The following FAM117A variants were observed in gnomAD, a reference collection of about 807,000 sequenced individuals.
The protein encoded by FAM117A is family with sequence similarity 117 member A.
FAM117A carries 21 observed loss-of-function variants against 44.1 expected under a neutral mutation model. That is an observed-to-expected ratio of 0.48 (90% CI 0.34 to 0.69). FAM117A has a LOEUF of 0.69. FAM117A is among the 30% of genes least tolerant of loss of function. The pLI is 0.01. For missense variants in FAM117A, 498 were observed against 589.9 expected, an observed-to-expected ratio of 0.84 and a Z score of 1.61; for synonymous variants, 220 against 238.3, an observed-to-expected ratio of 0.92 and a Z score of 0.71.
chr17:49,758,773 G>C (rs2143780924), intron 1 of FAM117A, among the ~76,000 whole-genome samples: 1 of 152,264 alleles, frequency 6.6e-6, no homozygotes, highest in East Asian at 1.9e-4. Context: ...GATAGTGTCA[G>C]TAAGAACTCC....
chr17:49,712,854 TCTC>T (rs1258733336), intron 7 of FAM117A, among the ~76,000 whole-genome samples: 1 of 152,052 alleles, frequency 6.6e-6, no homozygotes, highest in Non-Finnish European at 1.5e-5. Context: ...GTCATATCTG[TCTC>T]ACCCTCCTTT....
intron 1 of FAM117A, 54 bp downstream of exon 1, chr17:49,763,838 G>T: frequency 3.4e-6 from 1 of 293,628 alleles, no homozygotes; most frequent in Non-Finnish European, 4.7e-6. Context: ...GCGGTCACGC[G>T]CCCCCCCTCC....
chr17:49,782,561 G>A (rs950164415), intron 1 of FAM117A, among the ~76,000 whole-genome samples: 3 of 151,166 alleles, frequency 2.0e-5, no homozygotes, highest in African/African-American at 7.3e-5. Context: ...ATGGTGGCAC[G>A]CACCTGTAGT....
In FAM117A at chr17:49,737,375, C is replaced by T. The variant is rs182426951; in HGVS notation, c.197-4655G>A. ...AAAACTGTCTATTAGAGTCCAGTGACGAGGCAGGGACTCTGGAAAGTGGAT... is the reference window on the plus strand; with the variant it reads ...AAAACTGTCTATTAGAGTCCAGTGATGAGGCAGGGACTCTGGAAAGTGGAT... On this transcript the variant is annotated intron_variant, in intron 1 of 7. Transcript: ENST00000240364. Among the ~76,000 whole-genome samples, 79 of 152,250 alleles carry T rather than the reference C, an allele frequency of 5.2e-4. No homozygotes were observed. In the East Asian group the frequency reaches 0.01, roughly 19 times the overall value.
At chr17:49,732,078 G>A (rs541714894) in intron 2 of FAM117A, among the ~76,000 whole-genome samples, 2 of 152,248 alleles carry the variant, frequency 1.3e-5, no homozygotes, top group South Asian at 4.2e-4. Flanking sequence ...GAGCCACTGC[G>A]CCCAGCCTAA....
intron 1 of FAM117A, among the ~76,000 whole-genome samples, chr17:49,750,798 C>G (rs996215574): frequency 6.6e-6 from 1 of 151,988 alleles, no homozygotes; most frequent in Non-Finnish European, 1.5e-5. Context: ...AGCTATTACA[C>G]GAACAGGTAC....
intron 1 of FAM117A, among the ~76,000 whole-genome samples, chr17:49,769,231 G>A (rs917787048): frequency 6.6e-6 from 1 of 151,810 alleles, no homozygotes; most frequent in African/African-American, 2.4e-5. Context: ...GGAGGCGGAG[G>A]CTGCAGTAAG....
At chr17:49,734,393 C>T (rs1394700711) in intron 1 of FAM117A, among the ~76,000 whole-genome samples, 1 of 151,492 alleles carries the variant, frequency 6.6e-6, no homozygotes, top group Non-Finnish European at 1.5e-5. Context: ...GAGATCGAGA[C>T]CATCCTGGCT....
At chr17:49,771,223 A>G (rs189752973) in intron 1 of FAM117A, among the ~76,000 whole-genome samples, 12 of 152,328 alleles carry the variant, frequency 7.9e-5, no homozygotes, top group Non-Finnish European at 1.5e-5. Context: ...ATAAATAAAT[A>G]AAGAATAGAA....
upstream of FAM117A, chr17:49,788,958 CG>C (rs1296612646): frequency 9.4e-7 from 1 of 1,064,554 alleles, no homozygotes; most frequent in East Asian, 3.1e-5. Flanking sequence ...TCCGCTCCCC[CG>C]AACCTTGTTC....
chr17:49,768,043 A>T (rs187319022), upstream of FAM117A, among the ~76,000 whole-genome samples: 235 of 152,266 alleles, frequency 1.5e-3, 1 homozygote, highest in African/African-American at 5.6e-3. Flanking sequence ...GGATGTCCAC[A>T]GCTAAATGTC....
In FAM117A at chr17:49,717,469, T is replaced by C. The variant is rs77590503; in HGVS notation, c.910+44A>G. 0.063 allele frequency: 99,950 copies of C among 1,578,728 alleles called. 3,633 individuals are homozygous for C. The highest frequency in any genetic ancestry group is 0.15 in the African/African-American group (11,003 of 74,394). Reference sequence around the variant, plus strand: ...GTGGAAAAGGGAGTGGAGCCACTCATGTGCCCCAGAGTCAGCCCTGCTGCC... The same window carrying C: ...GTGGAAAAGGGAGTGGAGCCACTCACGTGCCCCAGAGTCAGCCCTGCTGCC... On this transcript the variant is annotated intron_variant, in intron 6 of 7. Coordinates refer to ENST00000240364, the MANE Select transcript of FAM117A (RefSeq NM_030802.4).
chr17:49,748,615 C>T (rs1030532777), intron 1 of FAM117A, among the ~76,000 whole-genome samples: 14 of 151,764 alleles, frequency 9.2e-5, no homozygotes, highest in African/African-American at 3.4e-4. Context: ...CTAGCTGGGC[C>T]CCTGAAAAAA....
rs1427250669 is a variant in FAM117A, at chr17:49,711,638, A to C, written c.1062-83T>G. 8.9e-6 allele frequency: 12 copies of C among 1,347,310 alleles called. 1 individual carries two copies. The highest frequency in any genetic ancestry group is 1.3e-5 in the Non-Finnish European group (12 of 956,872). 83.5% of individuals were successfully genotyped at this position (1,347,310 alleles called of 1,614,324 possible). ...GCGAGAGAGGGTGAGATGTCACAGC[A>C]TCAAGGCAGCAGGAGAGCTGGGTCT... On this transcript the variant is annotated intron_variant, in intron 7 of 7. Coordinates refer to ENST00000240364, the MANE Select transcript of FAM117A (RefSeq NM_030802.4).
At chr17:49,719,606 T>C in intron 5 of FAM117A, 154 bp downstream of exon 5, 1 of 938,066 alleles carries the variant, frequency 1.1e-6, no homozygotes, top group Non-Finnish European at 1.5e-6. Flanking sequence ...ACTAATAAAC[T>C]CCATTTGCAT....
chr17:49,734,780 C>T (rs569363979), intron 1 of FAM117A, among the ~76,000 whole-genome samples: 7 of 152,052 alleles, frequency 4.6e-5, no homozygotes, highest in African/African-American at 1.7e-4. Context: ...GGGAGCAACC[C>T]GAGCATCCAC....
chr17:49,722,952 G>C (rs961427337), intron 2 of FAM117A, among the ~76,000 whole-genome samples: 1 of 152,130 alleles, frequency 6.6e-6, no homozygotes, highest in African/African-American at 2.4e-5. Context: ...CTCAGGCTCC[G>C]GGAATCACTG....
At chr17:49,773,451 A>C (rs2143798627) in intron 1 of FAM117A, 1 of 150,332 alleles carries the variant, frequency 6.7e-6, no homozygotes, top group East Asian at 2.0e-4. Context: ...TGGGCAGCAG[A>C]GCAAGACTCC....
At chr17:49,715,924 G>A (rs2073500708) in intron 7 of FAM117A, among the ~76,000 whole-genome samples, 1 of 152,202 alleles carries the variant, frequency 6.6e-6, no homozygotes, top group Non-Finnish European at 1.5e-5. Context: ...TTTCTTTCCA[G>A]CTCCTGCTGC....
Sources: gnomAD v4.1 joint callset for allele counts (sites outside exome capture counted in the v4.1 genomes callset) on GRCh38, gnomAD v4.1.1 for gene constraint, MANE v1.5 for transcripts, NCBI Gene and HGNC (gene_info 2026-07-23, HGNC 2026-07-21) for gene names.